Variants in RASA2 observed in about 807,000 individuals in gnomAD.
The protein encoded by RASA2 is ras GTPase-activating protein 2.
RASA2 carries 155 observed loss-of-function variants against 118.2 expected under a neutral mutation model. The observed-to-expected ratio is 1.31, with a 90% CI of 1.15 to 1.50. The LOEUF (loss-of-function observed/expected upper bound fraction) is 1.50, where lower values mean the gene tolerates loss of function less well. Among genes scored for constraint, RASA2 ranks in the 40% most tolerant of loss-of-function variants. The pLI, the probability that RASA2 is intolerant of heterozygous loss-of-function variation, is 0.00. For synonymous variants in RASA2, 353 were observed against 349.1 expected (o/e 1.01, Z -0.12); for missense variants, 1,016 against 1,009.6 (o/e 1.01, Z -0.09).
At chr3:141,513,689 T>C (rs997882432) in intron 2 of RASA2, among the ~76,000 whole-genome samples, 13 of 152,318 alleles carry the variant, frequency 8.5e-5, no homozygotes, top group African/African-American at 2.6e-4. Context: ...TGACAAAAGT[T>C]CACCAGGCAT....
intron 19 of RASA2, among the ~76,000 whole-genome samples, chr3:141,597,127 G>A (rs1392760053): frequency 2.6e-5 from 4 of 152,250 alleles, no homozygotes; most frequent in Middle Eastern, 3.4e-3. Context: ...CAGGCTGGGC[G>A]TGGTGGCTCA....
intron 4 of RASA2, among the ~76,000 whole-genome samples, chr3:141,535,697 G>T (rs1365205082): frequency 6.6e-6 from 1 of 152,142 alleles, no homozygotes; most frequent in Non-Finnish European, 1.5e-5. Context: ...ATTACATGAT[G>T]AGAGAGGGAG....
chr3:141,505,417 A>T (rs2081850700), intron 1 of RASA2, among the ~76,000 whole-genome samples: 1 of 151,960 alleles, frequency 6.6e-6, no homozygotes, highest in South Asian at 2.1e-4. Flanking sequence ...CTACATAGGA[A>T]TTGAGGAAGA....
At chr3:141,488,483 C>G (rs566950741) in intron 1 of RASA2, among the ~76,000 whole-genome samples, 14 of 152,170 alleles carry the variant, frequency 9.2e-5, no homozygotes, top group African/African-American at 3.4e-4. Flanking sequence ...TCAGGTGGTT[C>G]ACGTATTTGG....
chr3:141,600,309 A>G, intron 19 of RASA2: 1 of 538,386 alleles, frequency 1.9e-6, no homozygotes, highest in Non-Finnish European at 3.8e-6. Flanking sequence ...CTTCTCCTGC[A>G]CTGTCTGATG....
At chr3:141,549,007 C>T (rs2082530178) in intron 5 of RASA2, among the ~76,000 whole-genome samples, 1 of 152,182 alleles carries the variant, frequency 6.6e-6, no homozygotes, top group Non-Finnish European at 1.5e-5. Context: ...TTTATCATCA[C>T]AGGCCTCACA....
At chr3:141,554,738 A>G (rs1332649079) in intron 6 of RASA2, among the ~76,000 whole-genome samples, 1 of 152,200 alleles carries the variant, frequency 6.6e-6, no homozygotes, top group Admixed American at 6.5e-5. Context: ...GTATTTATGT[A>G]TGTATGTAAA....
At chr3:141,608,269 T>C (rs558818109) in intron 20 of RASA2, among the ~76,000 whole-genome samples, 1 of 152,338 alleles carries the variant, frequency 6.6e-6, no homozygotes, top group South Asian at 2.1e-4. Context: ...TTTGGATATG[T>C]GTGGCTTCTA....
intron 1 of RASA2, among the ~76,000 whole-genome samples, chr3:141,489,868 A>G (rs1298510286): frequency 6.6e-6 from 1 of 152,072 alleles, no homozygotes; most frequent in Non-Finnish European, 1.5e-5. Flanking sequence ...CTTAACAAAA[A>G]GTGGTAACCA....
At chr3:141,603,038 CA>C (rs1305992387) in intron 19 of RASA2, among the ~76,000 whole-genome samples, 1 of 152,162 alleles carries the variant, frequency 6.6e-6, no homozygotes, top group East Asian at 1.9e-4. Flanking sequence ...GAAACACCCC[CA>C]GGTAGGAAGA....
At chr3:141,565,662 G>A (rs1422221802) in intron 9 of RASA2, among the ~76,000 whole-genome samples, 1 of 152,176 alleles carries the variant, frequency 6.6e-6, no homozygotes, top group African/African-American at 2.4e-5. Context: ...CTTCTGCCAT[G>A]ATTGCGAGGT....
chr3:141,583,818 G>A (rs902078469), intron 17 of RASA2, among the ~76,000 whole-genome samples: 4 of 152,030 alleles, frequency 2.6e-5, no homozygotes, highest in African/African-American at 9.7e-5. Context: ...ATTGGAATGT[G>A]GTTTGTTTTT....
chr3:141,540,662 T>A, intron 5 of RASA2, 53 bp downstream of exon 5: 17 of 1,483,874 alleles, frequency 1.1e-5, no homozygotes, highest in Non-Finnish European at 1.6e-5. Flanking sequence ...CATTTTGTAT[T>A]CTTTCGATTT....
At chr3:141,585,250 T>C (rs1194690939) in intron 17 of RASA2, among the ~76,000 whole-genome samples, 3 of 152,092 alleles carry the variant, frequency 2.0e-5, no homozygotes, top group African/African-American at 7.2e-5. Context: ...GAGCCTAGGG[T>C]AGCACCCCAC....
At chr3:141,513,478 A>T (rs558156011) in intron 2 of RASA2, among the ~76,000 whole-genome samples, 1 of 152,292 alleles carries the variant, frequency 6.6e-6, no homozygotes, top group East Asian at 1.9e-4. Context: ...GAAATTCTGC[A>T]TTTATAATTG....
chr3:141,583,561 G>C lies in RASA2; in HGVS notation c.1752+2384G>C, dbSNP rs553866656. ...TGGTCCATCTGGGAGAGTCGATGCT[G>C]TGATAGGGCGCTTCTTCAGTTCCCT... On this transcript the variant is annotated intron_variant, in intron 17 of 23. Coordinates refer to ENST00000286364, the MANE Select transcript of RASA2 (RefSeq NM_006506.5). Among the ~76,000 whole-genome samples, 63 of 152,312 alleles carry C rather than the reference G, an allele frequency of 4.1e-4. 1 individual carries two copies. Among genetic ancestry groups the C allele is most frequent in the African/African-American group, 1.5e-3 (61 of 41,560 alleles).
At chr3:141,573,862 T>A in intron 13 of RASA2, 82 bp from the exon 14 acceptor site, 2 of 1,228,528 alleles carry the variant, frequency 1.6e-6, no homozygotes, top group Non-Finnish European at 2.1e-6. Flanking sequence ...TAAACCTCAT[T>A]TTCTTACATT....
At chr3:141,608,726 T>C in intron 21 of RASA2, 29 bp downstream of exon 21, 1 of 1,583,844 alleles carries the variant, frequency 6.3e-7, no homozygotes, top group Non-Finnish European at 8.7e-7. Flanking sequence ...ATAAAAGCAG[T>C]GTGTCAAAAT....
intron 5 of RASA2, among the ~76,000 whole-genome samples, chr3:141,547,398 A>G (rs1368562987): frequency 6.6e-6 from 1 of 152,040 alleles, no homozygotes; most frequent in African/African-American, 2.4e-5. Context: ...TACAGTTTTC[A>G]TTATAGATGT....
Sources: gnomAD v4.1 joint callset for allele counts (sites outside exome capture counted in the v4.1 genomes callset) on GRCh38, gnomAD v4.1.1 for gene constraint, MANE v1.5 for transcripts, NCBI Gene and HGNC (gene_info 2026-07-23, HGNC 2026-07-21) for gene names.